LRBA: variants seen among roughly 807,000 people sequenced by gnomAD.
LRBA encodes the protein LPS responsive beige-like anchor protein.
A neutral mutation model predicts 330.0 loss-of-function variants in LRBA; 176 were observed. The ratio of observed to expected loss-of-function variants is 0.53; its 90% confidence interval spans 0.47 to 0.60. The LOEUF (loss-of-function observed/expected upper bound fraction) is 0.60, where lower values mean the gene tolerates loss of function less well. Ranked by LOEUF, LRBA falls within the 20% of genes least tolerant of loss-of-function variation. The pLI is 0.00. For synonymous variants in LRBA, 1,230 were observed against 1,193.0 expected, an observed-to-expected ratio of 1.03 and a Z score of -0.64; for missense variants, 3,259 against 3,444.8, an observed-to-expected ratio of 0.95 and a Z score of 1.35.
Position 150,282,525 on chromosome 4 carries a change from A to G in LRBA, c.8241T>C (p.Tyr2747=), listed in dbSNP as rs147372552. The G allele has an allele frequency of 6.2e-7, 1 of 1,614,060 alleles. No individual in the cohort carries two copies. Among genetic ancestry groups the G allele is most frequent in the African/African-American group, 1.3e-5 (1 of 74,934 alleles). Residue 2747 remains tyrosine (Y), a synonymous_variant, in exon 55 of 57, where the codon TAT becomes TAC. Transcript: ENST00000651943. The part of the protein sequence containing the change: ...ASREGHCVIF[Y]ENGLFCTFSV... Reference sequence around the variant, plus strand: ...TGAATGTACAGAAGAGGCCGTTTTCATAGAATATGACACAATGACCCTCTC... The same window carrying G: ...TGAATGTACAGAAGAGGCCGTTTTCGTAGAATATGACACAATGACCCTCTC...
chr4:150,315,361 T>C (rs963285233), intron 51 of LRBA, 200 bp downstream of exon 51: 2 of 635,328 alleles, frequency 3.1e-6, no homozygotes, highest in Admixed American at 5.0e-5. Flanking sequence ...CCTAGGCCTG[T>C]TCAAATTAGG....
At chr4:150,825,670 C>T (rs913063578) in intron 30 of LRBA, among the ~76,000 whole-genome samples, 11 of 152,060 alleles carry the variant, frequency 7.2e-5, no homozygotes, top group African/African-American at 1.7e-4. Flanking sequence ...CTGTGTATCA[C>T]GGTAAAAGTG....
intron 33 of LRBA, among the ~76,000 whole-genome samples, chr4:150,803,297 CATCTAAGATAGTTTTAAAT>C (rs1254037990): frequency 6.6e-5 from 10 of 151,530 alleles, no homozygotes; most frequent in South Asian, 2.1e-4. Flanking sequence ...AATGACATGA[CATCTAAGATAGTTTTAAAT>C]ATCTAAGATA....
chr4:150,357,246 C>G (rs1326737086), intron 47 of LRBA, among the ~76,000 whole-genome samples: 1 of 151,980 alleles, frequency 6.6e-6, no homozygotes, highest in Non-Finnish European at 1.5e-5. Flanking sequence ...CTATCAAGCA[C>G]TCGTGCATCT....
chr4:150,273,664 C>G (rs1411024332), intron 56 of LRBA, among the ~76,000 whole-genome samples: 3 of 151,862 alleles, frequency 2.0e-5, no homozygotes, highest in Non-Finnish European at 4.4e-5. Context: ...GGTTGCAATC[C>G]TAGTCTCTGA....
chr4:150,780,492 T>G (rs1268924796), intron 34 of LRBA, among the ~76,000 whole-genome samples: 1 of 151,906 alleles, frequency 6.6e-6, no homozygotes, highest in Non-Finnish European at 1.5e-5. Context: ...CCAGTCATAG[T>G]ATGCTTAATG....
chr4:150,722,034 GGTCCTTC>G (rs1236914233), intron 36 of LRBA, among the ~76,000 whole-genome samples: 2 of 152,126 alleles, frequency 1.3e-5, no homozygotes, highest in African/African-American at 4.8e-5. Context: ...GGGCAGTTAT[GGTCCTTC>G]ATTTGTTGAT....
At chr4:150,694,459 T>TAAAAAAAAAAAAAAAAAAAAAAAA (rs1296371573) in intron 36 of LRBA, among the ~76,000 whole-genome samples, 1 of 7,490 alleles carries the variant, frequency 1.3e-4, no homozygotes, top group African/African-American at 2.1e-4. Context: ...GTGTGATCTT[T>TAAAAAAAAAAAAAAAAAAAAAAAA]AACAAAAAAA....
intron 53 of LRBA, among the ~76,000 whole-genome samples, chr4:150,301,886 T>C (rs1021717798): frequency 6.6e-6 from 1 of 152,232 alleles, no homozygotes; most frequent in African/African-American, 2.4e-5. Context: ...AATTCTACAG[T>C]GTTGTCATAA....
At chr4:150,749,006 C>T (rs1043362075) in intron 35 of LRBA, among the ~76,000 whole-genome samples, 6 of 152,118 alleles carry the variant, frequency 3.9e-5, no homozygotes, top group Non-Finnish European at 8.8e-5. Context: ...GCCTCTAAAA[C>T]TATGAGAAAT....
At position 150,573,617 on chromosome 4, in the gene LRBA, G is replaced by C. The variant is rs538305277; in HGVS notation, c.6330+14431C>G. Among the ~76,000 whole-genome samples the C allele has an allele frequency of 4.6e-5, 7 of 152,218 alleles. No homozygotes were observed. In the South Asian group the frequency reaches 1.5e-3, roughly 32 times the overall value. On this transcript the variant is annotated intron_variant, in intron 40 of 56. Coordinates refer to ENST00000651943, the MANE Select transcript of LRBA (RefSeq NM_001364905.1). ...TTGCCTCAATTCACTCTCTCCAAAA[G>C]TATCCACAAGCTTAGACAAACAATA...
rs557691388 is a variant in LRBA at position 150,623,012 on chromosome 4, G to C, written c.5922-23881C>G. 1.6e-4 allele frequency among the ~76,000 whole-genome samples: 24 copies of C among 152,168 alleles called. No individual in the cohort carries two copies. In the East Asian group the frequency reaches 4.1e-3, roughly 26 times the overall value. ...GCGCCCGGCCAACAATCTTAAGGCT[G>C]ATTTCCTCTCTCCCCTTCCCTTACT... On this transcript the variant is annotated intron_variant, in intron 37 of 56. Coordinates refer to ENST00000651943, the MANE Select transcript of LRBA (RefSeq NM_001364905.1).
chr4:150,332,931 A>C (rs1581036566), intron 48 of LRBA, among the ~76,000 whole-genome samples: 2 of 152,202 alleles, frequency 1.3e-5, no homozygotes, highest in East Asian at 3.8e-4. Context: ...ATTTTCAACA[A>C]GCTGTGTATT....
At chr4:150,673,074 T>C (rs1279462433) in intron 37 of LRBA, among the ~76,000 whole-genome samples, 1 of 152,150 alleles carries the variant, frequency 6.6e-6, no homozygotes, top group Non-Finnish European at 1.5e-5. Flanking sequence ...ACCAGTTGTA[T>C]ACTCTTAAGC....
At chr4:150,551,780 A>G (rs1766628309) in intron 40 of LRBA, among the ~76,000 whole-genome samples, 1 of 152,228 alleles carries the variant, frequency 6.6e-6, no homozygotes, top group South Asian at 2.1e-4. Context: ...AATGACTGTT[A>G]AGTCCCATAG....
chr4:150,389,237 G>A (rs1397789812), intron 47 of LRBA, among the ~76,000 whole-genome samples: 1 of 151,934 alleles, frequency 6.6e-6, no homozygotes, highest in Non-Finnish European at 1.5e-5. Flanking sequence ...CGTGCCTGTA[G>A]TCCCAGCTCA....
chr4:150,440,902 T>G (rs1285292838), intron 44 of LRBA, among the ~76,000 whole-genome samples: 2 of 152,128 alleles, frequency 1.3e-5, no homozygotes, highest in African/African-American at 4.8e-5. Flanking sequence ...ATAGCAAAGC[T>G]GACATCTGTG....
At chr4:150,697,344 A>AAAAAAAAAAAAAAAAAAAAAAAAAAAAC (rs1561527638) in intron 36 of LRBA, among the ~76,000 whole-genome samples, 1 of 148,740 alleles carries the variant, frequency 6.7e-6, no homozygotes, top group African/African-American at 2.5e-5. Context: ...AAAAAAAAAA[A>AAAAAAAAAAAAAAAAAAAAAAAAAAAAC]AAAAAAACAG....
intron 46 of LRBA, among the ~76,000 whole-genome samples, chr4:150,424,834 T>C (rs1168316342): frequency 6.6e-6 from 1 of 152,220 alleles, no homozygotes. Context: ...TAACAAAACA[T>C]TGAATGAAAT....
Sources: allele counts gnomAD v4.1 joint callset (sites outside exome capture counted in the v4.1 genomes callset), GRCh38; gene constraint gnomAD v4.1.1; transcripts MANE v1.5; gene names NCBI Gene and HGNC (gene_info 2026-07-23, HGNC 2026-07-21).